Variants in SSH2 observed in about 807,000 individuals in gnomAD.
SSH2 encodes the protein slingshot protein phosphatase 2.
A neutral mutation model predicts 135.2 loss-of-function variants in SSH2; 37 were observed. The observed-to-expected ratio is 0.27, with a 90% CI of 0.21 to 0.36. SSH2 has a LOEUF of 0.36. SSH2 is among the 10% of genes least tolerant of loss of function. The pLI, the probability that SSH2 is intolerant of heterozygous loss-of-function variation, is 1.00. For missense variants in SSH2, 1,408 were observed against 1,765.3 expected, an observed-to-expected ratio of 0.80 and a Z score of 3.63; for synonymous variants, 628 against 646.2, an observed-to-expected ratio of 0.97 and a Z score of 0.43.
chr17:29,640,226 C>T (rs1006727037), intron 14 of SSH2, among the ~76,000 whole-genome samples: 7 of 152,030 alleles, frequency 4.6e-5, no homozygotes, highest in Non-Finnish European at 7.4e-5. Context: ...CTACAGGCAC[C>T]CGCCACCACG....
chr17:29,792,761 C>G (rs1241974842), intron 3 of SSH2, among the ~76,000 whole-genome samples: 2 of 152,234 alleles, frequency 1.3e-5, no homozygotes. Flanking sequence ...ACTGCAAGCT[C>G]CGCCTCCCGT....
chr17:29,799,775 G>C (rs1161748653), intron 2 of SSH2, among the ~76,000 whole-genome samples: 7 of 152,306 alleles, frequency 4.6e-5, no homozygotes, highest in Non-Finnish European at 1.5e-5. Context: ...CATTTATTGA[G>C]TACTACGATG....
rs1318840345 is a variant in SSH2, at chr17:29,703,012, C to T, written c.239G>A (p.Arg80Gln). Residue 80 changes from arginine to glutamine, a missense_variant, in exon 4 of 16, where the codon CGG (arginine) becomes CAG (glutamine). This residue lies in a region of SSH2 where 222 missense variants were observed against 355.6 expected (regional missense o/e 0.62). Transcript: ENST00000540801. The stretch of plus-strand genomic sequence containing the variant: ...TCTTGGTGTGGATGAGCCATTTCCC[C>T]GTGGTAGAAAAAGGGCAGCACCTTT... ...TVKGAALFLP[R>Q]GNGSSTPRIS... 21 of 1,613,776 alleles carry T rather than the reference C, an allele frequency of 1.3e-5. No individual in the cohort carries two copies. Among genetic ancestry groups the T allele is most frequent in the Admixed American group, 1.7e-5 (1 of 59,996 alleles).
At chr17:29,643,255 TGTCCTAATA>T in intron 14 of SSH2, 1 of 985,332 alleles carries the variant, frequency 1.0e-6, no homozygotes, top group Non-Finnish European at 1.2e-6. Context: ...AGTACCAAGG[TGTCCTAATA>T]ACACATCATA....
Position 29,636,530 on chromosome 17 carries a change from C to T in SSH2, c.1700G>A (p.Gly567Glu). The change falls in exon 15 of 16, where the codon GGA (glycine) becomes GAA (glutamate). Residue 567 changes from glycine (G) to glutamate (E), a missense_variant. Physicochemically the swap from Gly to Glu is moderately conservative, Grantham distance 98. Coordinates refer to ENST00000540801, the MANE Select transcript of SSH2 (RefSeq NM_001282129.2). ...TAAGTTTAATTCATCCTCAATCTGTCCAGCATGAAATTCCCTAGAAGTAAA... is the reference window on the plus strand; with the variant it reads ...TAAGTTTAATTCATCCTCAATCTGTTCAGCATGAAATTCCCTAGAAGTAAA... ...LEFTSREFHA[G>E]QIEDELNLND... 5 of 1,614,156 alleles carry T rather than the reference C, an allele frequency of 3.1e-6. No individual in the cohort carries two copies. Among genetic ancestry groups the T allele is most frequent in the Non-Finnish European group, 4.2e-6 (5 of 1,180,022 alleles).
chr17:29,928,260 C>T (rs2067105197), intron 1 of SSH2: 1 of 310,878 alleles, frequency 3.2e-6, no homozygotes, highest in East Asian at 5.1e-5. Context: ...CAAAAACTAG[C>T]ATAAAGTACT....
chr17:29,697,100 G>A lies in SSH2; in HGVS notation c.293-1577C>T, dbSNP rs79632367. 3.3e-5 allele frequency among the ~76,000 whole-genome samples: 5 copies of A among 152,018 alleles called. No homozygotes were observed. The South Asian group carries it at 6.2e-4, about 19-fold the overall frequency. On this transcript the variant is annotated intron_variant, in intron 4 of 15. Coordinates refer to ENST00000540801, the MANE Select transcript of SSH2 (RefSeq NM_001282129.2). ...ATCTTCACTTGTTCTTATACATCTT[G>A]TCAAACTAAGTTGAAATTTCTTTGT... is the stretch of plus-strand genomic sequence containing the variant.
intron 4 of SSH2, among the ~76,000 whole-genome samples, chr17:29,698,649 C>CG (rs1567891657): frequency 6.6e-6 from 1 of 151,978 alleles, no homozygotes; most frequent in Non-Finnish European, 1.5e-5. Context: ...TTGTGCACCA[C>CG]AACGCCTAGC....
At chr17:29,780,972 C>T (rs941487881) in intron 3 of SSH2, among the ~76,000 whole-genome samples, 3 of 151,772 alleles carry the variant, frequency 2.0e-5, no homozygotes, top group South Asian at 2.1e-4. Flanking sequence ...CCACCATGCC[C>T]GGCTAATTTT....
intron 3 of SSH2, among the ~76,000 whole-genome samples, chr17:29,763,789 C>G (rs1447662417): frequency 6.6e-6 from 1 of 152,136 alleles, no homozygotes; most frequent in South Asian, 2.1e-4. Flanking sequence ...GTGCATAGTC[C>G]TTTCCTTTCT....
At chr17:29,792,770 G>A (rs1001709226) in intron 3 of SSH2, among the ~76,000 whole-genome samples, 3 of 152,156 alleles carry the variant, frequency 2.0e-5, no homozygotes, top group Admixed American at 6.5e-5. Context: ...TCCGCCTCCC[G>A]TGTTCACGCC....
intron 5 of SSH2, among the ~76,000 whole-genome samples, chr17:29,688,558 G>A (rs1314582194): frequency 6.6e-6 from 1 of 151,816 alleles, no homozygotes; most frequent in Non-Finnish European, 1.5e-5. Flanking sequence ...TCTGCCTCCC[G>A]GGGTCCAGCA....
intron 1 of SSH2, among the ~76,000 whole-genome samples, chr17:29,857,910 T>G (rs932214316): frequency 1.3e-5 from 2 of 152,248 alleles, no homozygotes; most frequent in African/African-American, 4.8e-5. Context: ...ATTCCAACCC[T>G]TAGCAACTAC....
chr17:29,719,989 C>T (rs1219769886), intron 3 of SSH2, among the ~76,000 whole-genome samples: 1 of 152,192 alleles, frequency 6.6e-6, no homozygotes, highest in African/African-American at 2.4e-5. Flanking sequence ...GAACTCCTGA[C>T]CTCAGGTGAT....
At chr17:29,882,115 A>G (rs1457711150) in intron 1 of SSH2, among the ~76,000 whole-genome samples, 1 of 152,234 alleles carries the variant, frequency 6.6e-6, no homozygotes, top group Non-Finnish European at 1.5e-5. Context: ...TAAAATGAGA[A>G]TGTAATTTTT....
intron 1 of SSH2, chr17:29,928,564 C>T (rs1395743389): frequency 2.5e-6 from 1 of 398,426 alleles, no homozygotes; most frequent in Non-Finnish European, 4.4e-6. Context: ...CTCCCTGAAC[C>T]AAGAATCCCA....
chr17:29,826,557 A>T (rs987558777), intron 2 of SSH2, among the ~76,000 whole-genome samples: 2 of 152,122 alleles, frequency 1.3e-5, no homozygotes, highest in African/African-American at 4.8e-5. Flanking sequence ...AAATGCATTG[A>T]TGTTATTAGG....
intron 3 of SSH2, among the ~76,000 whole-genome samples, chr17:29,727,997 A>G (rs547658116): frequency 6.6e-6 from 1 of 152,344 alleles, no homozygotes; most frequent in South Asian, 2.1e-4. Flanking sequence ...CCTGGCCAAC[A>G]TGGCGAAACC....
At chr17:29,642,052 T>C (rs1162612693) in intron 14 of SSH2, among the ~76,000 whole-genome samples, 1 of 151,894 alleles carries the variant, frequency 6.6e-6, no homozygotes, top group Non-Finnish European at 1.5e-5. Flanking sequence ...AAAAGCATTA[T>C]CTGAATATTT....
Sources: allele counts gnomAD v4.1 joint callset (sites outside exome capture counted in the v4.1 genomes callset), GRCh38; gene constraint gnomAD v4.1.1; regional missense constraint gnomAD v4.1.1; transcripts MANE v1.5; gene names NCBI Gene and HGNC (gene_info 2026-07-23, HGNC 2026-07-21).